The following SMC2 variants were observed in gnomAD, a reference collection of about 807,000 sequenced individuals.
The protein encoded by SMC2 is structural maintenance of chromosomes protein 2.
A neutral mutation model predicts 142.6 loss-of-function variants in SMC2; 41 were observed. The observed-to-expected ratio is 0.29, with a 90% CI of 0.22 to 0.37. The LOEUF (loss-of-function observed/expected upper bound fraction) is 0.37. Ranked by LOEUF, SMC2 falls within the 10% of genes least tolerant of loss-of-function variation. SMC2 has a pLI of 1.00. For synonymous variants in SMC2, 463 were observed against 457.5 expected, an observed-to-expected ratio of 1.01 and a Z score of -0.15; for missense variants, 1,265 against 1,373.7, an observed-to-expected ratio of 0.92 and a Z score of 1.25.
chr9:104,130,961 A>G (rs993321204), intron 21 of SMC2, among the ~76,000 whole-genome samples: 7 of 151,896 alleles, frequency 4.6e-5, no homozygotes, highest in African/African-American at 1.7e-4. Context: ...AATTACATGG[A>G]TTTTCATGAA....
At chr9:104,110,710 A>G (rs1007186192) in intron 9 of SMC2, among the ~76,000 whole-genome samples, 21 of 152,198 alleles carry the variant, frequency 1.4e-4, no homozygotes, top group African/African-American at 4.6e-4. Flanking sequence ...TTCCTCAAAC[A>G]TTCAAACATG....
intron 24 of SMC2, 121 bp downstream of exon 24, chr9:104,138,286 ATATC>A: frequency 1.4e-6 from 1 of 736,550 alleles, no homozygotes; most frequent in African/African-American, 1.8e-5. Context: ...AAAGCATTGT[ATATC>A]TATTTAAATA....
rs948684510 is a variant in SMC2 at position 104,127,330 on chromosome 9, G to C, written c.2640G>C (p.Glu880Asp). Residue 880 changes from glutamate to aspartate, a missense_variant, in exon 20 of 25, where the codon GAG becomes GAC. Physicochemically the swap from Glu to Asp is conservative, Grantham distance 45. Transcript: ENST00000374793. Reference protein sequence around the residue: ...KAQEEVTKQKEVITAQDTVIK... With the variant: ...KAQEEVTKQKDVITAQDTVIK... The stretch of plus-strand genomic sequence containing the variant: ...AAGAAGAGGTGACCAAGCAAAAAGA[G>C]GTGATAACAGCCCAAGACACTGTAA... 1.2e-6 allele frequency: 2 copies of C among 1,603,802 alleles called. No individual in the cohort carries two copies. Among genetic ancestry groups the C allele is most frequent in the Non-Finnish European group, 8.5e-7 (1 of 1,174,480 alleles).
Position 104,134,417 on chromosome 9 carries a change from G to C in SMC2, c.3111G>C (p.Val1037=). The C allele has an allele frequency of 6.4e-7, 1 of 1,570,402 alleles. No individual in the cohort carries two copies. Among genetic ancestry groups the C allele is most frequent in the Non-Finnish European group, 8.6e-7 (1 of 1,163,784 alleles). The part of the protein sequence containing the change: ...NQALNIAWQK[V]NKDFGSIFST... ...ACTTTTTTATTTTTTAAATCCAGGTGAACAAGGACTTTGGGTCTATTTTTT... is the reference window on the plus strand; with the variant it reads ...ACTTTTTTATTTTTTAAATCCAGGTCAACAAGGACTTTGGGTCTATTTTTT... Residue 1037 remains valine, a splice_region_variant and synonymous_variant, in exon 23 of 25, where the codon GTG becomes GTC. Coordinates refer to ENST00000374793, the MANE Select transcript of SMC2 (RefSeq NM_006444.3).
At chr9:104,128,434 T>C (rs879356519) in intron 20 of SMC2, among the ~76,000 whole-genome samples, 2 of 152,286 alleles carry the variant, frequency 1.3e-5, no homozygotes, top group Non-Finnish European at 2.9e-5. Context: ...GGAGATTTTA[T>C]TTACAAGAGT....
chr9:104,104,258 G>T (rs1383601346), intron 9 of SMC2, among the ~76,000 whole-genome samples: 2 of 152,164 alleles, frequency 1.3e-5, no homozygotes, highest in Non-Finnish European at 2.9e-5. Context: ...TTACCAACTT[G>T]TCTGAAGCCA....
At chr9:104,098,288 G>A (rs1334914740) in intron 3 of SMC2, among the ~76,000 whole-genome samples, 158 bp from the exon 4 acceptor site, 3 of 152,166 alleles carry the variant, frequency 2.0e-5, no homozygotes, top group Admixed American at 1.3e-4. Flanking sequence ...TCAAGTTAGC[G>A]TTTTTGACCA....
intron 14 of SMC2, 93 bp downstream of exon 14, chr9:104,116,412 C>T: frequency 8.4e-6 from 10 of 1,185,272 alleles, no homozygotes; most frequent in Non-Finnish European, 1.1e-5. Flanking sequence ...TAATCATATG[C>T]AGAACCACAA....
In SMC2 at chr9:104,139,147, G is replaced by T; in HGVS notation, c.3426G>T (p.Val1142=). The change falls in exon 25 of 25, where the codon GTG becomes GTT. Residue 1142 remains valine (V), a synonymous_variant. Coordinates refer to ENST00000374793, the MANE Select transcript of SMC2 (RefSeq NM_006444.3). ...TTTCTTTTTTCCTTAAGTTCATTGT[G>T]GTGTCACTAAAAGAAGGTATGTTCA... is the stretch of plus-strand genomic sequence containing the variant. The part of the protein sequence containing the change: ...RTHFTHSQFI[V]VSLKEGMFNN... The T allele has an allele frequency of 6.4e-7, 1 of 1,554,396 alleles. No homozygotes were observed. The highest frequency in any genetic ancestry group is 1.3e-5 in the South Asian group (1 of 79,836).
intron 9 of SMC2, among the ~76,000 whole-genome samples, chr9:104,106,582 G>A (rs543006823): frequency 2.0e-4 from 30 of 152,126 alleles, no homozygotes; most frequent in African/African-American, 7.2e-4. Flanking sequence ...TAGTAGAGAT[G>A]GGGTTCCTCC....
Position 104,130,944 on chromosome 9 carries a change from CA to C in SMC2, c.2992-1064del, listed in dbSNP as rs572493270. Among the ~76,000 whole-genome samples the C allele has an allele frequency of 1.7e-3, 263 of 151,712 alleles. 6 individuals carry two copies. In the South Asian group the frequency reaches 0.032, roughly 19 times the overall value. On this transcript the variant is annotated intron_variant, in intron 21 of 24. Coordinates refer to ENST00000374793, the MANE Select transcript of SMC2 (RefSeq NM_006444.3). ...TTTTCTTGTGTTTTGTATCTATCTACATAAGCAATTACATGGATTTTCATGA... is the reference window on the plus strand; with the variant it reads ...TTTTCTTGTGTTTTGTATCTATCTACTAAGCAATTACATGGATTTTCATGA...
At chr9:104,126,885 G>GTCATCATGAGA in intron 19 of SMC2, 101 bp downstream of exon 19, 1 of 1,148,000 alleles carries the variant, frequency 8.7e-7, no homozygotes, top group Non-Finnish European at 1.2e-6. Context: ...CTTTTCACTC[G>GTCATCATGAGA]TCATCATGAG....
chr9:104,098,675 T>C, intron 4 of SMC2, 107 bp downstream of exon 4: 4 of 1,135,026 alleles, frequency 3.5e-6, no homozygotes, highest in Non-Finnish European at 5.0e-6. Flanking sequence ...ATACTTTTTA[T>C]TTACTATTGT....
chr9:104,116,172 G>GT (rs767234086), intron 13 of SMC2, 28 bp from the exon 14 acceptor site: 8 of 1,549,430 alleles, frequency 5.2e-6, no homozygotes, highest in African/African-American at 4.2e-5. Flanking sequence ...TTTAACATGC[G>GT]TTTTTTAAAT....
chr9:104,139,620 C>CA lies in SMC2; in HGVS notation c.*311dup, dbSNP rs1218245837. 1 of 195,280 alleles carries CA rather than the reference C, an allele frequency of 5.1e-6. No individual in the cohort carries two copies. Among genetic ancestry groups the CA allele is most frequent in the Non-Finnish European group, 1.0e-5 (1 of 97,816 alleles). 12.1% of individuals were successfully genotyped at this position (195,280 alleles called of 1,614,324 possible). On this transcript the variant is annotated 3_prime_UTR_variant, in exon 25 of 25. Coordinates refer to ENST00000374793, the MANE Select transcript of SMC2 (RefSeq NM_006444.3). ...GATTCTATATGTAAAAGCTAATATA[C>CA]AAAAAAGCAGATTAAATTACATGAT... is the stretch of plus-strand genomic sequence containing the variant.
intron 18 of SMC2, among the ~76,000 whole-genome samples, chr9:104,126,115 T>C (rs1456822782): frequency 6.6e-6 from 1 of 151,906 alleles, no homozygotes; most frequent in African/African-American, 2.4e-5. Flanking sequence ...ATATTCCTTA[T>C]GAGAATCTAA....
At chr9:104,104,082 T>C (rs1831476884) in intron 9 of SMC2, among the ~76,000 whole-genome samples, 1 of 152,176 alleles carries the variant, frequency 6.6e-6, no homozygotes, top group Non-Finnish European at 1.5e-5. Flanking sequence ...CTCTTAATGT[T>C]AGTATGCCCT....
chr9:104,114,783 A>T lies in SMC2; in HGVS notation c.1625A>T (p.Glu542Val), dbSNP rs1455326010. The T allele has an allele frequency of 6.2e-7, 1 of 1,613,270 alleles. No individual in the cohort carries two copies. Among genetic ancestry groups the T allele is most frequent in the African/African-American group, 1.3e-5 (1 of 74,924 alleles). The part of the protein sequence containing the change: ...VKDTSATTAL[E>V]LVAGERLYNV... ...GACACTTCTGCAACCACAGCTTTAG[A>T]ATTAGTGGCTGGAGAACGACTCTAC... The change falls in exon 13 of 25, where the codon GAA becomes GTA. Residue 542 changes from glutamate to valine, a missense_variant. Physicochemically the swap from Glu to Val is moderately radical, Grantham distance 121 (BLOSUM62 -2). Coordinates refer to ENST00000374793, the MANE Select transcript of SMC2 (RefSeq NM_006444.3).
At chr9:104,138,262 G>T in intron 24 of SMC2, 97 bp downstream of exon 24, 3 of 979,986 alleles carry the variant, frequency 3.1e-6, no homozygotes, top group Non-Finnish European at 4.3e-6. Context: ...AGATATTTAG[G>T]GTTGATAAAT....
Sources: allele counts gnomAD v4.1 joint callset (sites outside exome capture counted in the v4.1 genomes callset), GRCh38; gene constraint gnomAD v4.1.1; transcripts MANE v1.5; gene names NCBI Gene and HGNC (gene_info 2026-07-23, HGNC 2026-07-21).